Variants in SSR3 observed in about 807,000 individuals in gnomAD.
SSR3 encodes the protein signal sequence receptor subunit 3.
A neutral mutation model predicts 22.1 loss-of-function variants in SSR3; 10 were observed. The ratio of observed to expected loss-of-function variants is 0.45; its 90% CI spans 0.28 to 0.77. The LOEUF (loss-of-function observed/expected upper bound fraction) is 0.77, where lower values mean the gene tolerates loss of function less well. Among genes scored for constraint, SSR3 ranks in the 30% least tolerant of loss-of-function variants. The pLI is 0.13. For missense variants in SSR3, 181 were observed against 220.5 expected (o/e 0.82, Z 1.13); for synonymous variants, 104 against 82.5 (o/e 1.26, Z -1.42).
chr3:156,555,084 A>T lies in SSR3; in HGVS notation c.6T>A (p.Ala2=), dbSNP rs1484476506. 1 of 1,613,510 alleles carries T rather than the reference A, an allele frequency of 6.2e-7. No individual in the cohort carries two copies. The highest frequency in any genetic ancestry group is 1.7e-5 in the Admixed American group (1 of 60,008). Residue 2 remains alanine (A), a synonymous_variant, in exon 1 of 5, where the codon GCT becomes GCA. Transcript: ENST00000265044. M[A]PKGSSKQQSE... ...ACTGCTGTTTGGAGCTGCCTTTAGG[A>T]GCCATGGCGGAGCTGCAGGCGAGAA...
chr3:156,544,924 ATTG>A (rs1259502446), intron 3 of SSR3, among the ~76,000 whole-genome samples: 8 of 152,236 alleles, frequency 5.3e-5, no homozygotes, highest in Non-Finnish European at 1.2e-4. Context: ...GAAGTAGGCT[ATTG>A]TTAGCCATCT....
At position 156,554,961 on chromosome 3, in the gene SSR3, G is replaced by A. The variant is rs1315342051; in HGVS notation, c.129C>T (p.Pro43=). The A allele has an allele frequency of 1.2e-6, 2 of 1,613,408 alleles. No individual in the cohort carries two copies. Among genetic ancestry groups the A allele is most frequent in the African/African-American group, 1.3e-5 (1 of 74,932 alleles). Residue 43 remains proline (P), a synonymous_variant, in exon 1 of 5, where the codon CCC becomes CCT. Transcript: ENST00000265044. ...CGCCTCGCTCCCAGCACTCACAGAT[G>A]GGGATGGCAGACACGATGAACGCGT... is the stretch of plus-strand genomic sequence containing the variant. ...FGNAFIVSAI[P]IWLYWRIWHM... is the part of the protein sequence containing the mutation.
chr3:156,544,309 C>T lies in SSR3; in HGVS notation c.490G>A (p.Val164Met), dbSNP rs777649213. Residue 164 changes from valine (V) to methionine (M), a missense_variant and splice_region_variant, in exon 4 of 5, where the codon GTG becomes ATG. Transcript: ENST00000265044. The part of the protein sequence containing the change: ...FFILKNFNPT[V>M]NYILSISASS... ...GATAATCAACCTTGAAAAGGATACACTGTGGGGTTGAAGTTCTTCAATATG... is the reference window on the plus strand; with the variant it reads ...GATAATCAACCTTGAAAAGGATACATTGTGGGGTTGAAGTTCTTCAATATG... 9.5e-6 allele frequency: 15 copies of T among 1,584,002 alleles called. No homozygotes were observed. In the East Asian group the frequency reaches 1.4e-4, roughly 14 times the overall value.
chr3:156,553,760 T>C lies in SSR3; in HGVS notation c.155A>G (p.His52Arg), dbSNP rs745574580. 6.8e-6 allele frequency: 11 copies of C among 1,611,914 alleles called. No individual in the cohort carries two copies. The East Asian group carries it at 2.5e-4, about 36-fold the overall frequency. ...AACAGCAGACTGAATAAGATCCATA[T>C]GCCATATTCGCCAGTATAACCCTGA... ...IPIWLYWRIW[H>R]MDLIQSAVLY... Residue 52 changes from histidine (H) to arginine (R), a missense_variant, in exon 2 of 5, where the codon CAT becomes CGT. By Grantham distance (29) the His-to-Arg change is conservative. Transcript: ENST00000265044.
chr3:156,545,521 T>G (rs1719728656), intron 3 of SSR3, among the ~76,000 whole-genome samples: 1 of 152,180 alleles, frequency 6.6e-6, no homozygotes, highest in African/African-American at 2.4e-5. Context: ...GCACTTTAAG[T>G]AAGTCATTGG....
At chr3:156,546,734 AG>A (rs1186117996) in intron 3 of SSR3, among the ~76,000 whole-genome samples, 1 of 152,208 alleles carries the variant, frequency 6.6e-6, no homozygotes, top group East Asian at 1.9e-4. Flanking sequence ...GCTTCCTACA[AG>A]AGAAATGTTG....
intron 2 of SSR3, among the ~76,000 whole-genome samples, chr3:156,553,059 T>G (rs1577003847): frequency 7.1e-6 from 1 of 140,880 alleles, no homozygotes; most frequent in African/African-American, 2.6e-5. Context: ...AAAAAAGCAA[T>G]AAAATAAAAA....
intron 2 of SSR3, among the ~76,000 whole-genome samples, chr3:156,551,949 G>A (rs1341931550): frequency 6.6e-6 from 1 of 152,142 alleles, no homozygotes; most frequent in Non-Finnish European, 1.5e-5. Flanking sequence ...TCATAGGAAG[G>A]AAGCAGATGA....
At chr3:156,545,546 T>C (rs1719729512) in intron 3 of SSR3, among the ~76,000 whole-genome samples, 1 of 152,208 alleles carries the variant, frequency 6.6e-6, no homozygotes, top group African/African-American at 2.4e-5. Flanking sequence ...TGACACATTA[T>C]ATTCATTAAG....
At position 156,548,932 on chromosome 3, in the gene SSR3, T is replaced by C; in HGVS notation, c.332A>G (p.Lys111Arg). The C allele has an allele frequency of 6.2e-7, 1 of 1,613,578 alleles. No homozygotes were observed. Among genetic ancestry groups the C allele is most frequent in the Non-Finnish European group, 8.5e-7 (1 of 1,179,862 alleles). Residue 111 changes from lysine to arginine, a missense_variant, in exon 3 of 5, where the codon AAG (lysine) becomes AGG (arginine). Physicochemically the swap from Lys to Arg is conservative, Grantham distance 26 (BLOSUM62 2). Transcript: ENST00000265044. ...TRKLSEADNR[K>R]MSRKEKDERI... ...TTCATCTTTCTCCTTCCGAGACATC[T>C]TTCTATTATCAGCTTCAGAAAGTTT...
intron 2 of SSR3, among the ~76,000 whole-genome samples, chr3:156,550,196 A>G (rs1365453123): frequency 6.6e-6 from 1 of 152,228 alleles, no homozygotes; most frequent in Non-Finnish European, 1.5e-5. Flanking sequence ...ACAAAAGACC[A>G]ACTGAAAAGA....
Position 156,548,896 on chromosome 3 carries a change from G to A in SSR3, c.359+9C>T, listed in dbSNP as rs970465326. 5 of 1,612,342 alleles carry A rather than the reference G, an allele frequency of 3.1e-6. No homozygotes were observed. Among genetic ancestry groups the A allele is most frequent in the Non-Finnish European group, 4.2e-6 (5 of 1,179,580 alleles). On this transcript the variant is annotated intron_variant, in intron 3 of 4. Coordinates refer to ENST00000265044, the MANE Select transcript of SSR3 (RefSeq NM_007107.5). ...TTTATGATGGCCATACTTTAAACAG[G>A]AGTCAAACCTTTCATCTTTCTCCTT...
At chr3:156,543,942 T>C (rs932844909) in intron 4 of SSR3, 7 of 240,000 alleles carry the variant, frequency 2.9e-5, no homozygotes, top group East Asian at 1.6e-4. Flanking sequence ...TTTAACTGCA[T>C]TGGCCATCCA....
rs1319845242 is a variant in SSR3, at chr3:156,542,788, T to C, written c.*415A>G. 1 of 164,136 alleles carries C rather than the reference T, an allele frequency of 6.1e-6. No homozygotes were observed. 10.2% of individuals were successfully genotyped at this position (164,136 alleles called of 1,614,324 possible). ...AATCCCCTGGGAAGAGGATTCATTC[T>C]GATATTTACGGTTCAAAAGAAGTTG... On this transcript the variant is annotated 3_prime_UTR_variant, in exon 5 of 5. Transcript: ENST00000265044.
At chr3:156,552,118 T>C (rs1023577883) in intron 2 of SSR3, among the ~76,000 whole-genome samples, 2 of 152,018 alleles carry the variant, frequency 1.3e-5, no homozygotes, top group Admixed American at 6.6e-5. Context: ...CTGGGCAACA[T>C]GGCAAAACTC....
chr3:156,546,502 A>C (rs1280189225), intron 3 of SSR3, among the ~76,000 whole-genome samples: 4 of 152,196 alleles, frequency 2.6e-5, no homozygotes, highest in Non-Finnish European at 4.4e-5. Context: ...TCCCAATATG[A>C]CCACGTGTTA....
rs372361484 is a variant in SSR3 at position 156,555,010 on chromosome 3, T to C, written c.80A>G (p.Lys27Arg). The change falls in exon 1 of 5, where the codon AAG becomes AGG. Residue 27 changes from lysine to arginine, a missense_variant. Coordinates refer to ENST00000265044, the MANE Select transcript of SSR3 (RefSeq NM_007107.5). ...GTTTCCGAAGAAGAGCGCGGAGGACTTGGCCGAGAGATTGCGGCTGAAATC... is the reference window on the plus strand; with the variant it reads ...GTTTCCGAAGAAGAGCGCGGAGGACCTGGCCGAGAGATTGCGGCTGAAATC... ...LQDFSRNLSAKSSALFFGNAF... is the reference protein window; with the variant it reads ...LQDFSRNLSARSSALFFGNAF... The C allele has an allele frequency of 1.2e-5, 19 of 1,613,908 alleles. No homozygotes were observed. Among genetic ancestry groups the C allele is most frequent in the Admixed American group, 1.7e-5 (1 of 59,996 alleles).
intron 3 of SSR3, among the ~76,000 whole-genome samples, chr3:156,547,683 T>G (rs1339238589): frequency 2.6e-5 from 4 of 152,234 alleles, no homozygotes; most frequent in Non-Finnish European, 4.4e-5. Context: ...AATAATGTTT[T>G]GGTACCTTTC....
In SSR3 at chr3:156,555,097, C is replaced by G. The variant is rs542498945; in HGVS notation, c.-8G>C. The G allele has an allele frequency of 1.2e-6, 2 of 1,612,862 alleles. No homozygotes were observed. The highest frequency in any genetic ancestry group is 4.5e-5 in the East Asian group (2 of 44,862). Reference sequence around the variant, plus strand: ...GCTGCCTTTAGGAGCCATGGCGGAGCTGCAGGCGAGAACAGGGAACGTAGA... The same window carrying G: ...GCTGCCTTTAGGAGCCATGGCGGAGGTGCAGGCGAGAACAGGGAACGTAGA... On this transcript the variant is annotated 5_prime_UTR_variant, in exon 1 of 5. Coordinates refer to ENST00000265044, the MANE Select transcript of SSR3 (RefSeq NM_007107.5).
Sources: gnomAD v4.1 joint callset for allele counts (sites outside exome capture counted in the v4.1 genomes callset) on GRCh38, gnomAD v4.1.1 for gene constraint, MANE v1.5 for transcripts, NCBI Gene and HGNC (gene_info 2026-07-23, HGNC 2026-07-21) for gene names.